ADAM22: variants seen among roughly 807,000 people sequenced by gnomAD.
The protein encoded by ADAM22 is disintegrin and metalloproteinase domain-containing protein 22.
In ADAM22, 65 loss-of-function variants were observed where a neutral mutation model predicts 144.6. That is an observed-to-expected ratio of 0.45 (90% CI 0.37 to 0.55). ADAM22 has a LOEUF of 0.55. ADAM22 is among the 20% of genes least tolerant of loss of function. The pLI is 0.00. For missense variants in ADAM22, 974 were observed against 1,184.9 expected (o/e 0.82, Z 2.61); for synonymous variants, 391 against 412.6 (o/e 0.95, Z 0.63).
chr7:87,946,904 C>T (rs900126720), intron 2 of ADAM22, among the ~76,000 whole-genome samples: 9 of 152,184 alleles, frequency 5.9e-5, no homozygotes, highest in Admixed American at 2.0e-4. Context: ...CCTTTGCAGC[C>T]ACACAGATGT....
At chr7:88,189,679 C>T (rs1201901529) in intron 30 of ADAM22, among the ~76,000 whole-genome samples, 1 of 152,192 alleles carries the variant, frequency 6.6e-6, no homozygotes, top group East Asian at 1.9e-4. Context: ...GGCGCAGTGG[C>T]TCACGCCTGT....
At chr7:87,979,792 G>A (rs570770533) in intron 3 of ADAM22, among the ~76,000 whole-genome samples, 1 of 152,156 alleles carries the variant, frequency 6.6e-6, no homozygotes, top group African/African-American at 2.4e-5. Context: ...GAGGAAGAGT[G>A]AAACAGCAAA....
intron 3 of ADAM22, among the ~76,000 whole-genome samples, chr7:88,059,281 G>C (rs572084920): frequency 1.3e-5 from 2 of 152,276 alleles, no homozygotes; most frequent in South Asian, 2.1e-4. Flanking sequence ...CAGGAATGTC[G>C]TAATGCTTCA....
At chr7:87,954,078 G>C (rs961719911) in intron 2 of ADAM22, among the ~76,000 whole-genome samples, 4 of 151,870 alleles carry the variant, frequency 2.6e-5, no homozygotes, top group African/African-American at 7.3e-5. Context: ...CACACTGATG[G>C]GTCTTGACTC....
chr7:88,005,327 G>A (rs1299568899), intron 3 of ADAM22, among the ~76,000 whole-genome samples: 1 of 152,146 alleles, frequency 6.6e-6, no homozygotes, highest in Non-Finnish European at 1.5e-5. Context: ...GGGAGGTGGG[G>A]AGCATTCTGG....
intron 3 of ADAM22, among the ~76,000 whole-genome samples, chr7:88,069,677 T>C (rs1209965944): frequency 1.3e-5 from 2 of 152,178 alleles, no homozygotes; most frequent in Non-Finnish European, 2.9e-5. Context: ...AAGGTTCAGG[T>C]TCTCATCATC....
chr7:88,024,067 C>A (rs944686745), intron 3 of ADAM22, among the ~76,000 whole-genome samples: 49 of 152,132 alleles, frequency 3.2e-4, no homozygotes, highest in African/African-American at 1.1e-3. Flanking sequence ...TATATATATA[C>A]CATATTTTCT....
intron 3 of ADAM22, among the ~76,000 whole-genome samples, chr7:87,985,964 G>A (rs1239582878): frequency 1.3e-5 from 2 of 151,858 alleles, no homozygotes; most frequent in Non-Finnish European, 2.9e-5. Context: ...CAGGAGGGAT[G>A]ATGTCAAGTA....
chr7:87,955,836 C>T lies in ADAM22; in HGVS notation c.246+20650C>T, dbSNP rs537337749. On this transcript the variant is annotated intron_variant, in intron 2 of 31. Coordinates refer to ENST00000413139, the MANE Select transcript of ADAM22 (RefSeq NM_001324418.2). ...CTAAGCGAGCCTGGGCAATGGTGGG[C>T]GCCCCTCCCCCAGCCTCGCTGCTGC... 2.1e-4 allele frequency among the ~76,000 whole-genome samples: 32 copies of T among 152,258 alleles called. No individual in the cohort carries two copies. The East Asian group carries it at 3.5e-3, about 17-fold the overall frequency.
intron 28 of ADAM22, 59 bp downstream of exon 28, chr7:88,181,664 C>A: frequency 7.0e-7 from 1 of 1,432,408 alleles, no homozygotes; most frequent in Non-Finnish European, 9.7e-7. Flanking sequence ...ATTCTGTGGC[C>A]CCTGGTTGTA....
intron 3 of ADAM22, among the ~76,000 whole-genome samples, chr7:88,013,405 A>C (rs1795885101): frequency 6.6e-6 from 1 of 152,088 alleles, no homozygotes; most frequent in African/African-American, 2.4e-5. Flanking sequence ...TCAATAGATT[A>C]TATTTTTTCT....
At chr7:88,014,192 A>C (rs566183259) in intron 3 of ADAM22, among the ~76,000 whole-genome samples, 2 of 152,278 alleles carry the variant, frequency 1.3e-5, no homozygotes, top group African/African-American at 4.8e-5. Context: ...AATAACATGT[A>C]GCTGTATACT....
At chr7:88,003,052 C>A (rs1419411666) in intron 3 of ADAM22, among the ~76,000 whole-genome samples, 1 of 152,060 alleles carries the variant, frequency 6.6e-6, no homozygotes, top group Non-Finnish European at 1.5e-5. Flanking sequence ...TAACTGGGAT[C>A]AGAATAAAAA....
intron 4 of ADAM22, among the ~76,000 whole-genome samples, chr7:88,081,212 G>A (rs1816498913): frequency 6.6e-6 from 1 of 152,152 alleles, no homozygotes; most frequent in African/African-American, 2.4e-5. Context: ...ACGTAATCCA[G>A]CATATAGACA....
chr7:88,056,282 C>A (rs2129475736), intron 3 of ADAM22, among the ~76,000 whole-genome samples: 1 of 152,140 alleles, frequency 6.6e-6, no homozygotes. Flanking sequence ...ATACTGAAAT[C>A]TAGAATTAGA....
At chr7:88,062,781 TAGA>T (rs1391959322) in intron 3 of ADAM22, among the ~76,000 whole-genome samples, 2 of 152,224 alleles carry the variant, frequency 1.3e-5, no homozygotes, top group African/African-American at 4.8e-5. Context: ...CTTGGACACT[TAGA>T]AGCCAATGTA....
Position 88,086,595 on chromosome 7 carries a change from T to C in ADAM22, c.390+10903T>C, listed in dbSNP as rs139117216. On this transcript the variant is annotated intron_variant, in intron 4 of 31. Transcript: ENST00000413139. ...ATTTTCAATCCATTTAAAAATTAAA[T>C]TCTTAATTTACTCATCTGTTCAGGG... Among the ~76,000 whole-genome samples, 138 of 152,356 alleles carry C rather than the reference T, an allele frequency of 9.1e-4. No individual in the cohort carries two copies. The Middle Eastern group carries it at 0.01, about 11-fold the overall frequency.
At chr7:88,007,550 C>G (rs550311098) in intron 3 of ADAM22, among the ~76,000 whole-genome samples, 305 of 152,068 alleles carry the variant, frequency 2.0e-3, no homozygotes, top group African/African-American at 5.7e-3. Context: ...CCAAAACAGA[C>G]GTATAGATCA....
At chr7:88,128,389 A>G (rs1190458166) in intron 8 of ADAM22, among the ~76,000 whole-genome samples, 1 of 152,046 alleles carries the variant, frequency 6.6e-6, no homozygotes, top group African/African-American at 2.4e-5. Context: ...AGAGGAAGAC[A>G]TTCATCTTCT....
Sources: allele counts gnomAD v4.1 joint callset (sites outside exome capture counted in the v4.1 genomes callset), GRCh38; gene constraint gnomAD v4.1.1; transcripts MANE v1.5; gene names NCBI Gene and HGNC (gene_info 2026-07-23, HGNC 2026-07-21).